Variants in FSTL5 observed in about 807,000 individuals in gnomAD.
FSTL5 encodes follistatin like 5.
Under a neutral mutation model 89.1 loss-of-function variants are expected in FSTL5, and 62 were observed. The observed-to-expected ratio is 0.70, with a 90% confidence interval of 0.57 to 0.86. The LOEUF (loss-of-function observed/expected upper bound fraction) is 0.86. Among genes scored for constraint, FSTL5 ranks in the 40% least tolerant of loss-of-function variants. The probability of loss-of-function intolerance (pLI) is 0.00; values close to 1 mark genes in which losing one functional copy is unlikely to be tolerated. For missense variants in FSTL5, 1,057 were observed against 1,001.6 expected, an observed-to-expected ratio of 1.06 and a Z score of -0.75; for synonymous variants, 383 against 346.2, an observed-to-expected ratio of 1.11 and a Z score of -1.18.
chr4:162,082,447 A>G (rs1462390677), intron 2 of FSTL5, among the ~76,000 whole-genome samples: 1 of 151,596 alleles, frequency 6.6e-6, no homozygotes, highest in South Asian at 2.1e-4. Context: ...CTGTTCAATT[A>G]ATGTTTATTG....
intron 8 of FSTL5, among the ~76,000 whole-genome samples, chr4:161,573,982 T>A (rs895915799): frequency 2.0e-5 from 3 of 152,142 alleles, no homozygotes; most frequent in Admixed American, 2.0e-4. Context: ...ATAATCCACG[T>A]TCATGCATTG....
chr4:162,014,967 G>A (rs970168215), intron 3 of FSTL5, among the ~76,000 whole-genome samples: 1 of 152,152 alleles, frequency 6.6e-6, no homozygotes, highest in Non-Finnish European at 1.5e-5. Flanking sequence ...TTCAAAATTT[G>A]AGAAGAGATA....
At chr4:161,753,799 T>C (rs899408575) in intron 6 of FSTL5, among the ~76,000 whole-genome samples, 4 of 152,122 alleles carry the variant, frequency 2.6e-5, no homozygotes, top group African/African-American at 7.2e-5. Context: ...TCCCAGCACT[T>C]TGGGAGGCCG....
At chr4:161,651,815 C>T (rs1736353088) in intron 7 of FSTL5, among the ~76,000 whole-genome samples, 1 of 152,154 alleles carries the variant, frequency 6.6e-6, no homozygotes, top group Non-Finnish European at 1.5e-5. Flanking sequence ...TGTTGCAAAA[C>T]AATGTCATAA....
intron 3 of FSTL5, among the ~76,000 whole-genome samples, chr4:161,993,573 A>G (rs1271836636): frequency 1.3e-5 from 2 of 152,144 alleles, no homozygotes; most frequent in African/African-American, 4.8e-5. Context: ...TGCATATAAT[A>G]TACTTTTGTG....
chr4:161,920,436 G>T lies in FSTL5; in HGVS notation c.377C>A (p.Thr126Asn), dbSNP rs780118150. Residue 126 changes from threonine (T) to asparagine (N), a missense_variant, in exon 4 of 16, where the codon ACC becomes AAC. Physicochemically the swap from Thr to Asn is moderately conservative, Grantham distance 65. This residue lies in a region of FSTL5 where 980 missense variants were observed against 903.2 expected (regional missense o/e 1.08). Transcript: ENST00000306100. Reference protein sequence around the residue: ...RAACLKKQKITIVHNEDCFFK... With the variant: ...RAACLKKQKINIVHNEDCFFK... ...GAAGCAGTCTTCATTGTGAACAATGGTAATCTTTTGTTTTTTCAGGCAAGC... is the reference window on the plus strand; with the variant it reads ...GAAGCAGTCTTCATTGTGAACAATGTTAATCTTTTGTTTTTTCAGGCAAGC... The T allele has an allele frequency of 8.7e-6, 14 of 1,613,924 alleles. No individual in the cohort carries two copies. The highest frequency in any genetic ancestry group is 1.2e-5 in the Non-Finnish European group (14 of 1,179,882).
At chr4:162,094,133 A>C (rs183124539) in intron 2 of FSTL5, among the ~76,000 whole-genome samples, 15 of 152,342 alleles carry the variant, frequency 9.8e-5, no homozygotes, top group African/African-American at 3.1e-4. Flanking sequence ...TCATGCCTGT[A>C]ATTCCAGCAT....
chr4:161,842,021 C>T (rs1229065099), intron 4 of FSTL5, among the ~76,000 whole-genome samples: 1 of 152,024 alleles, frequency 6.6e-6, no homozygotes, highest in African/African-American at 2.4e-5. Context: ...TCCAACAGAG[C>T]GAGGACACCT....
intron 4 of FSTL5, among the ~76,000 whole-genome samples, chr4:161,807,243 A>G (rs897412632): frequency 1.3e-5 from 2 of 151,912 alleles, no homozygotes; most frequent in Non-Finnish European, 2.9e-5. Context: ...ATATTTGTAG[A>G]GATGCAGAGA....
At chr4:161,670,646 A>G (rs942655302) in intron 6 of FSTL5, among the ~76,000 whole-genome samples, 1 of 152,208 alleles carries the variant, frequency 6.6e-6, no homozygotes, top group African/African-American at 2.4e-5. Flanking sequence ...AACTGAAACT[A>G]GGATCCAGAG....
chr4:161,987,423 A>G (rs910819241), intron 3 of FSTL5, among the ~76,000 whole-genome samples: 12 of 149,672 alleles, frequency 8.0e-5, no homozygotes, highest in African/African-American at 2.9e-4. Flanking sequence ...TACAACTACA[A>G]GCATGGGCTC....
At chr4:162,131,763 C>T (rs1732310706) in intron 1 of FSTL5, among the ~76,000 whole-genome samples, 1 of 152,186 alleles carries the variant, frequency 6.6e-6, no homozygotes, top group African/African-American at 2.4e-5. Flanking sequence ...CTGCTCGATG[C>T]TAGTTTCCAC....
intron 3 of FSTL5, among the ~76,000 whole-genome samples, chr4:161,981,285 CT>C (rs1023832679): frequency 2.0e-4 from 31 of 152,114 alleles, no homozygotes; most frequent in African/African-American, 6.5e-4. Context: ...AGCACATGGT[CT>C]CTACCAGAAG....
rs188854001 is a variant in FSTL5 at position 161,474,321 on chromosome 4, T to C, written c.1608+6699A>G. ...CAAATAATTATTTTAAACGCATTATTTTCTTAAATTATGTAGAAAACAAAA... is the reference window on the plus strand; with the variant it reads ...CAAATAATTATTTTAAACGCATTATCTTCTTAAATTATGTAGAAAACAAAA... On this transcript the variant is annotated intron_variant, in intron 13 of 15. Coordinates refer to ENST00000306100, the MANE Select transcript of FSTL5 (RefSeq NM_020116.5). 5.3e-4 allele frequency among the ~76,000 whole-genome samples: 81 copies of C among 152,282 alleles called. 1 individual carries two copies. Among genetic ancestry groups the C allele is most frequent in the Non-Finnish European group, 1.0e-3 (68 of 68,024 alleles).
At chr4:161,725,814 C>T (rs1051409898) in intron 6 of FSTL5, among the ~76,000 whole-genome samples, 15 of 152,162 alleles carry the variant, frequency 9.9e-5, no homozygotes, top group Admixed American at 9.8e-4. Flanking sequence ...TCCATTACAA[C>T]ATTATGAGGT....
intron 6 of FSTL5, among the ~76,000 whole-genome samples, chr4:161,740,598 T>C (rs937779213): frequency 6.6e-6 from 1 of 152,228 alleles, no homozygotes; most frequent in African/African-American, 2.4e-5. Context: ...ATGTTATTTA[T>C]GCTATATCAC....
intron 3 of FSTL5, among the ~76,000 whole-genome samples, chr4:161,938,671 A>C (rs1457994281): frequency 1.3e-5 from 2 of 152,108 alleles, no homozygotes; most frequent in Admixed American, 1.3e-4. Context: ...TGCATAGTTT[A>C]TTAAATTTGG....
At chr4:161,988,194 T>G (rs2111068648) in intron 3 of FSTL5, among the ~76,000 whole-genome samples, 1 of 152,170 alleles carries the variant, frequency 6.6e-6, no homozygotes, top group Admixed American at 6.6e-5. Flanking sequence ...GGAGTTTTTT[T>G]GTCCCATCGT....
chr4:162,062,812 C>G (rs1378424068), intron 2 of FSTL5, among the ~76,000 whole-genome samples: 1 of 150,442 alleles, frequency 6.6e-6, no homozygotes, highest in African/African-American at 2.4e-5. Context: ...TTAAAAAAAC[C>G]CAGAATAATA....
Sources: allele counts gnomAD v4.1 joint callset (sites outside exome capture counted in the v4.1 genomes callset), GRCh38; gene constraint gnomAD v4.1.1; regional missense constraint gnomAD v4.1.1; transcripts MANE v1.5; gene names NCBI Gene and HGNC (gene_info 2026-07-23, HGNC 2026-07-21).